The following TRIM39 variants were observed in gnomAD, a reference collection of about 807,000 sequenced individuals.
TRIM39 encodes E3 ubiquitin-protein ligase TRIM39.
A neutral mutation model predicts 53.6 loss-of-function variants in TRIM39; 5 were observed. The observed-to-expected ratio is 0.09, with a 90% CI of 0.05 to 0.20. The LOEUF is 0.20. Ranked by LOEUF, TRIM39 falls within the 10% of genes least tolerant of loss-of-function variation. The pLI is 1.00. For missense variants in TRIM39, 310 were observed against 621.0 expected (o/e 0.50, Z 5.32); for synonymous variants, 196 against 237.6 (o/e 0.82, Z 1.61).
At chr6:30,328,132 C>T (rs760378663) in intron 1 of TRIM39, among the ~76,000 whole-genome samples, 3 of 152,184 alleles carry the variant, frequency 2.0e-5, no homozygotes, top group African/African-American at 2.4e-5. Context: ...TCTGAGGCTG[C>T]GCTTGAGGGA....
rs934380449 is a variant in TRIM39, at chr6:30,339,551, T to C, written c.781-357T>C. Among the ~76,000 whole-genome samples the C allele has an allele frequency of 2.6e-5, 4 of 152,192 alleles. No homozygotes were observed. The highest frequency in any genetic ancestry group is 9.7e-5 in the African/African-American group (4 of 41,444). ...ACCAGTCTGGAACTCTCTGTACTTA[T>C]CCTCAAGGAGAGTGAGATATGTGGT... On this transcript the variant is annotated intron_variant, in intron 5 of 7. Transcript: ENST00000396551. This position sits in a 1 kb window ranked among gnomAD's most constrained non-coding sequence, Gnocchi z 4.2.
rs1037507178 is a variant in TRIM39 at position 30,330,941 on chromosome 6, A to G, written c.549+65A>G. 2.1e-5 allele frequency: 33 copies of G among 1,548,988 alleles called. No individual in the cohort carries two copies. In the East Asian group the frequency reaches 4.1e-4, roughly 19 times the overall value. On this transcript the variant is annotated intron_variant, in intron 4 of 7. Coordinates refer to ENST00000396551, the Ensembl canonical transcript of TRIM39. ...ATTTGCCTATGAGGGAATTAACTGT[A>G]CACTATTTAATCCACCAGTTCCGGT...
chr6:30,332,645 A>G (rs1786323435), intron 4 of TRIM39, among the ~76,000 whole-genome samples: 2 of 152,248 alleles, frequency 1.3e-5, no homozygotes, highest in Non-Finnish European at 2.9e-5. Context: ...ACCTAAAAAT[A>G]TGAAAATGGT....
chr6:30,335,642 T>G lies in TRIM39; in HGVS notation c.550-103T>G. On this transcript the variant is annotated intron_variant, in intron 4 of 7. Coordinates refer to ENST00000396551, the Ensembl canonical transcript of TRIM39. This position sits in a 1 kb window ranked among gnomAD's most constrained non-coding sequence, Gnocchi z 4.7. ...CCAGCCTTTGTTAAACCATTTTCAATGAAACTGGAAGTCTGTGTTAATTCA... is the reference window on the plus strand; with the variant it reads ...CCAGCCTTTGTTAAACCATTTTCAAGGAAACTGGAAGTCTGTGTTAATTCA... The G allele has an allele frequency of 7.0e-7, 1 of 1,420,352 alleles. No individual in the cohort carries two copies. The highest frequency in any genetic ancestry group is 9.4e-7 in the Non-Finnish European group (1 of 1,065,514). The allele number at this position is 1,420,352 out of a possible 1,614,324, so 88.0% of individuals were successfully genotyped here.
chr6:30,326,964 C>A (rs957681603), exon 1 of TRIM39: 6 of 152,150 alleles, frequency 3.9e-5, no homozygotes, highest in African/African-American at 1.2e-4. Context: ...GGCGGCTCCG[C>A]GCCCCGCACT....
Position 30,330,667 on chromosome 6 carries a change from G to GT in TRIM39, c.454-113dup, listed in dbSNP as rs934938385. On this transcript the variant is annotated intron_variant, in intron 3 of 7. Coordinates refer to ENST00000396551, the Ensembl canonical transcript of TRIM39. ...AGGAAGGAAGTCAGATCAAGAGGCA[G>GT]TAAGATGGCTAGGAAGCAAATAAAT... 8 of 1,148,580 alleles carry GT rather than the reference G, an allele frequency of 7.0e-6. No individual in the cohort carries two copies. In the African/African-American group the frequency reaches 1.2e-4, roughly 18 times the overall value. 71.1% of individuals were successfully genotyped at this position (1,148,580 alleles called of 1,614,324 possible).
Position 30,330,170 on chromosome 6 carries a change from A to G in TRIM39, c.453+400A>G, listed in dbSNP as rs547236446. On this transcript the variant is annotated intron_variant, in intron 3 of 7. Coordinates refer to ENST00000396551, the Ensembl canonical transcript of TRIM39. The stretch of plus-strand genomic sequence containing the variant: ...TATTGGGCATAGGTAATATCGCTTG[A>G]GACTGATACCTACCGGACTAAGCTG... Among the ~76,000 whole-genome samples, 233 of 152,344 alleles carry G rather than the reference A, an allele frequency of 1.5e-3. 2 individuals carry two copies. Among genetic ancestry groups the G allele is most frequent in the African/African-American group, 5.5e-3 (230 of 41,568 alleles).
At chr6:30,327,135 G>A (rs1785439966) in intron 1 of TRIM39, 140 bp downstream of exon 1, 1 of 152,536 alleles carries the variant, frequency 6.6e-6, no homozygotes, top group African/African-American at 2.4e-5. Context: ...CCTCGGGCCC[G>A]GGCGGACGTT....
rs1787663341 is a variant in TRIM39 at position 30,342,544 on chromosome 6, A to T, written c.*285A>T. On this transcript the variant is annotated 3_prime_UTR_variant, in exon 8 of 8. Transcript: ENST00000396551. The surrounding 1 kb of genome is among the most constrained non-coding windows in gnomAD (Gnocchi z 4.7). ...GTTTTCTGTTGCACAAGGACGGGTC[A>T]GGAAGGAAGGAGAGGCTTTTCCAGA... is the stretch of plus-strand genomic sequence containing the variant. The T allele has an allele frequency of 5.7e-6, 3 of 522,394 alleles. No individual in the cohort carries two copies. The highest frequency in any genetic ancestry group is 3.4e-5 in the Admixed American group (1 of 29,164). The allele number at this position is 522,394 out of a possible 1,614,324, so 32.4% of individuals were successfully genotyped here. A position where few individuals can be genotyped will look rare whatever the true frequency, so the allele number is the denominator to read the frequency against.
chr6:30,331,893 A>T (rs1460831979), intron 4 of TRIM39, among the ~76,000 whole-genome samples: 1 of 152,228 alleles, frequency 6.6e-6, no homozygotes, highest in Non-Finnish European at 1.5e-5. Flanking sequence ...TAGCAAAAAT[A>T]ACTAGAATTG....
At chr6:30,330,991 C>T (rs1031830360) in intron 4 of TRIM39, 115 bp downstream of exon 4, 13 of 1,244,240 alleles carry the variant, frequency 1.0e-5, no homozygotes, top group South Asian at 1.4e-5. Context: ...CAGTTCTCGC[C>T]GGACATGGTG....
chr6:30,340,290 C>T (rs773974391), intron 6 of TRIM39: 18 of 1,612,808 alleles, frequency 1.1e-5, no homozygotes, highest in South Asian at 5.5e-5. Context: ...CTAGAAAGTT[C>T]GGAGGCTCAC....
intron 1 of TRIM39, chr6:30,327,463 C>G (rs1785505266): frequency 6.5e-6 from 1 of 152,722 alleles, no homozygotes; most frequent in South Asian, 2.1e-4. Flanking sequence ...AAGGTGGGAC[C>G]CTGAACAGTG....
intron 3 of TRIM39, among the ~76,000 whole-genome samples, chr6:30,330,292 A>G (rs1785974256): frequency 6.6e-6 from 1 of 152,236 alleles, no homozygotes; most frequent in South Asian, 2.1e-4. Flanking sequence ...AATAAAGGGA[A>G]CAGAGATATG....
intron 7 of TRIM39, among the ~76,000 whole-genome samples, 196 bp downstream of exon 7, chr6:30,340,816 C>T (rs539607127): frequency 1.3e-5 from 2 of 152,320 alleles, no homozygotes; most frequent in African/African-American, 4.8e-5. Flanking sequence ...GTTATCTACT[C>T]TTAGGTCCAT....
intron 1 of TRIM39, 163 bp downstream of exon 1, chr6:30,327,158 CG>C (rs1245840384): frequency 1.3e-5 from 2 of 152,614 alleles, no homozygotes; most frequent in Non-Finnish European, 2.9e-5. Context: ...GCCGCCCCGG[CG>C]ACGTCAGCGC....
At position 30,335,530 on chromosome 6, in the gene TRIM39, C is replaced by T. The variant is rs1445557123; in HGVS notation, c.550-215C>T. ...TAGAGTTGGGGTTTCACCATGTTAC[C>T]TAGGCTGGTCTCAAACTTCTCATCC... is the stretch of plus-strand genomic sequence containing the variant. On this transcript the variant is annotated intron_variant, in intron 4 of 7. Transcript: ENST00000396551. The surrounding 1 kb of genome is among the most constrained non-coding windows in gnomAD (Gnocchi z 4.7). Among the ~76,000 whole-genome samples the T allele has an allele frequency of 6.6e-6, 1 of 152,262 alleles. No homozygotes were observed. Among genetic ancestry groups the T allele is most frequent in the South Asian group, 2.1e-4 (1 of 4,824 alleles).
intron 3 of TRIM39, among the ~76,000 whole-genome samples, chr6:30,330,564 G>A (rs1158231061): frequency 6.6e-6 from 1 of 152,204 alleles, no homozygotes. Context: ...GGACAGTTGG[G>A]TGAGCAGAGA....
intron 7 of TRIM39, 65 bp from the exon 8 acceptor site, chr6:30,341,647 G>C: frequency 6.5e-7 from 1 of 1,527,998 alleles, no homozygotes; most frequent in Non-Finnish European, 8.8e-7. Flanking sequence ...GGCTGGAAGA[G>C]TGAGGCAGGG....
Sources: allele counts gnomAD v4.1 joint callset (sites outside exome capture counted in the v4.1 genomes callset), GRCh38; gene constraint gnomAD v4.1.1; non-coding constraint Gnocchi (gnomAD v3.1); transcripts MANE v1.5; gene names NCBI Gene and HGNC (gene_info 2026-07-23, HGNC 2026-07-21).